The following LTBP1 variants were observed in gnomAD, a reference collection of about 807,000 sequenced individuals.
The protein encoded by LTBP1 is latent-transforming growth factor beta-binding protein 1.
In LTBP1, 129 loss-of-function variants were observed where a neutral mutation model predicts 207.6. That is an observed-to-expected ratio of 0.62 (90% CI 0.54 to 0.72). The LOEUF is 0.72. LTBP1 is among the 30% of genes least tolerant of loss of function. The probability of loss-of-function intolerance (pLI) is 0.00; values close to 1 mark genes in which losing one functional copy is unlikely to be tolerated. For synonymous variants in LTBP1, 963 were observed against 833.7 expected, an observed-to-expected ratio of 1.16 and a Z score of -2.67; for missense variants, 2,281 against 2,217.2, an observed-to-expected ratio of 1.03 and a Z score of -0.58.
chr2:33,211,094 A>T (rs78846172), intron 7 of LTBP1, among the ~76,000 whole-genome samples: 3,962 of 152,256 alleles, frequency 0.026, 190 homozygotes, highest in African/African-American at 0.091. Flanking sequence ...AATGAGTTAT[A>T]TACATGTAAT....
At chr2:32,947,893 C>T (rs1676474307) in intron 1 of LTBP1, 75 bp downstream of exon 1, 1 of 1,210,904 alleles carries the variant, frequency 8.3e-7, no homozygotes, top group Non-Finnish European at 1.0e-6. Context: ...GGGGTCAGGG[C>T]CACTCGGAGC....
At chr2:33,019,494 T>G (rs2075044201) in intron 2 of LTBP1, among the ~76,000 whole-genome samples, 2 of 150,920 alleles carry the variant, frequency 1.3e-5, no homozygotes, top group South Asian at 4.2e-4. Flanking sequence ...GCCACCACAC[T>G]CGGCTAGTTT....
chr2:33,231,987 A>C (rs1470836248), intron 9 of LTBP1, among the ~76,000 whole-genome samples: 1 of 152,184 alleles, frequency 6.6e-6, no homozygotes, highest in Non-Finnish European at 1.5e-5. Context: ...GTTTTGGGGT[A>C]GGGGAGAGAG....
At chr2:32,950,500 A>G (rs1452756592) in intron 2 of LTBP1, among the ~76,000 whole-genome samples, 1 of 150,912 alleles carries the variant, frequency 6.6e-6, no homozygotes, top group Non-Finnish European at 1.5e-5. Context: ...TGAAGGTTGC[A>G]GTGAGCCGAG....
chr2:33,378,377 C>T (rs2095170947), intron 31 of LTBP1, among the ~76,000 whole-genome samples: 1 of 151,826 alleles, frequency 6.6e-6, no homozygotes, highest in African/African-American at 2.4e-5. Flanking sequence ...AGGCTCACAC[C>T]ACCACACCTG....
At chr2:33,167,075 TAA>T (rs2084985783) in intron 5 of LTBP1, among the ~76,000 whole-genome samples, 2 of 152,188 alleles carry the variant, frequency 1.3e-5, no homozygotes, top group Admixed American at 6.5e-5. Context: ...TTGTTTCTAC[TAA>T]GAGTCAGTTC....
chr2:33,303,763 A>G (rs1196363443), intron 22 of LTBP1, among the ~76,000 whole-genome samples: 1 of 152,072 alleles, frequency 6.6e-6, no homozygotes, highest in Admixed American at 6.5e-5. Context: ...CTGTCAGGAG[A>G]TGGAGCTCAG....
At chr2:33,122,176 G>C (rs969498378) in intron 4 of LTBP1, among the ~76,000 whole-genome samples, 4 of 136,776 alleles carry the variant, frequency 2.9e-5, no homozygotes, top group African/African-American at 1.5e-4. Flanking sequence ...CGGGAGCTTC[G>C]TTCGAGAGGA....
At chr2:33,158,930 C>G (rs1456959057) in intron 5 of LTBP1, among the ~76,000 whole-genome samples, 4 of 152,190 alleles carry the variant, frequency 2.6e-5, no homozygotes, top group African/African-American at 9.7e-5. Flanking sequence ...ACTGTTGACA[C>G]ATTCTCAGTC....
chr2:33,229,398 C>T (rs957689017), intron 9 of LTBP1, among the ~76,000 whole-genome samples: 3 of 151,926 alleles, frequency 2.0e-5, no homozygotes, highest in South Asian at 4.2e-4. Flanking sequence ...TGCTTGAGTC[C>T]GGGAGTTCGA....
At chr2:33,182,723 C>CATATATGTATGTATGTGT (rs2086787191) in intron 5 of LTBP1, among the ~76,000 whole-genome samples, 1 of 90,934 alleles carries the variant, frequency 1.1e-5, no homozygotes, top group Non-Finnish European at 2.3e-5. Context: ...CACACACACA[C>CATATATGTATGTATGTGT]ACACACACAC....
chr2:33,188,241 T>TG, intron 6 of LTBP1, among the ~76,000 whole-genome samples: 1 of 152,002 alleles, frequency 6.6e-6, no homozygotes, highest in Admixed American at 6.5e-5. Context: ...GCCAACGTGG[T>TG]GAAACCCCGT....
chr2:33,104,409 A>G (rs977816821), intron 3 of LTBP1, among the ~76,000 whole-genome samples: 4 of 152,058 alleles, frequency 2.6e-5, no homozygotes, highest in African/African-American at 9.7e-5. Context: ...GGCTCCTACC[A>G]TTCCTAACAC....
chr2:33,296,103 T>TC (rs2093870214), intron 20 of LTBP1, among the ~76,000 whole-genome samples: 1 of 152,158 alleles, frequency 6.6e-6, no homozygotes, highest in Non-Finnish European at 1.5e-5. Flanking sequence ...TATTATTTCT[T>TC]CCCCCATACA....
chr2:33,017,380 G>A (rs1200988543), intron 2 of LTBP1, among the ~76,000 whole-genome samples: 3 of 152,126 alleles, frequency 2.0e-5, no homozygotes, highest in Non-Finnish European at 2.9e-5. Flanking sequence ...AGTGTGCATC[G>A]ACGTCGCTTG....
At chr2:33,374,112 C>A (rs1311234344) in intron 31 of LTBP1, among the ~76,000 whole-genome samples, 8 of 152,226 alleles carry the variant, frequency 5.3e-5, no homozygotes, top group South Asian at 2.1e-4. Context: ...GACTCATGGA[C>A]TAAACTTGAA....
chr2:33,008,593 C>T (rs886918497), intron 2 of LTBP1, among the ~76,000 whole-genome samples: 1 of 152,208 alleles, frequency 6.6e-6, no homozygotes, highest in African/African-American at 2.4e-5. Context: ...CTCATTCATG[C>T]ATTTACTCCT....
intron 2 of LTBP1, among the ~76,000 whole-genome samples, chr2:32,963,074 C>A (rs1276707689): frequency 6.6e-6 from 1 of 152,224 alleles, no homozygotes; most frequent in African/African-American, 2.4e-5. Flanking sequence ...CTTCATTTAC[C>A]CTTTCCCCCT....
At chr2:33,054,775 C>G (rs1380961562) in intron 3 of LTBP1, among the ~76,000 whole-genome samples, 1 of 152,076 alleles carries the variant, frequency 6.6e-6, no homozygotes, top group Non-Finnish European at 1.5e-5. Flanking sequence ...TAAATGTACC[C>G]GGGGCTCAGT....
Sources: allele counts gnomAD v4.1 joint callset (sites outside exome capture counted in the v4.1 genomes callset), GRCh38; gene constraint gnomAD v4.1.1; transcripts MANE v1.5; gene names NCBI Gene and HGNC (gene_info 2026-07-23, HGNC 2026-07-21).